The following VSIG1 variants were observed in gnomAD, a reference collection of about 807,000 sequenced individuals.
VSIG1 encodes V-set and immunoglobulin domain containing 1.
In VSIG1, 11 loss-of-function variants were observed where a neutral mutation model predicts 20.1. That is an observed-to-expected ratio of 0.55 (90% CI 0.34 to 0.91). The LOEUF (loss-of-function observed/expected upper bound fraction) is 0.91, where lower values mean the gene tolerates loss of function less well. VSIG1 is among the 40% of genes least tolerant of loss of function. The pLI is 0.02. For missense variants in VSIG1, 283 were observed against 298.8 expected (o/e 0.95, Z 0.39); for synonymous variants, 126 against 116.7 (o/e 1.08, Z -0.52).
chrX:108,031,934 C>A, the VSIG1 span, among the ~76,000 whole-genome samples: 1 of 112,200 alleles, frequency 8.9e-6, no homozygotes, highest in African/African-American at 3.2e-5. Context: ...TCCAGCCTTG[C>A]TTCTACCAAC....
intron 6 of VSIG1, 147 bp from the exon 7 acceptor site, chrX:108,076,901 C>T (rs781210349): frequency 1.9e-5 from 11 of 576,135 alleles, no homozygotes; most frequent in Admixed American, 3.9e-5. Flanking sequence ...GACCTATGGC[C>T]TGACAATGAG....
chrX:108,041,696 T>C (rs988803119), upstream of VSIG1, among the ~76,000 whole-genome samples: 9 of 107,345 alleles, frequency 8.4e-5, no homozygotes, highest in South Asian at 8.7e-4. Context: ...GGACTTTTTT[T>C]CCTCTGTATC....
chrX:108,073,393 C>T (rs368211760), intron 5 of VSIG1, 24 bp downstream of exon 5: 50 of 1,202,774 alleles, frequency 4.2e-5, no homozygotes, highest in African/African-American at 2.3e-4. Context: ...ACAACTTTAA[C>T]GGTTTCTCCT....
intron 2 of VSIG1, among the ~76,000 whole-genome samples, chrX:108,060,647 A>G (rs1459968900): frequency 9.0e-6 from 1 of 111,712 alleles, no homozygotes; most frequent in Non-Finnish European, 1.9e-5. Flanking sequence ...ATGAATGTCA[A>G]TTCTTCTTGC....
At chrX:108,060,033 G>A (rs1034982126) in intron 2 of VSIG1, among the ~76,000 whole-genome samples, 2 of 111,665 alleles carry the variant, frequency 1.8e-5, no homozygotes, top group African/African-American at 3.3e-5. Flanking sequence ...CTGCAGAGCC[G>A]AAGGATCCTG....
the VSIG1 span, among the ~76,000 whole-genome samples, chrX:108,039,528 A>G: frequency 3.6e-5 from 4 of 111,923 alleles, no homozygotes; most frequent in East Asian, 8.3e-4. Flanking sequence ...TTTCTACCAA[A>G]TTGGAAACGA....
chrX:108,055,576 A>AT (rs755563804), intron 1 of VSIG1, among the ~76,000 whole-genome samples: 29 of 111,907 alleles, frequency 2.6e-4, no homozygotes, highest in African/African-American at 8.7e-4. Flanking sequence ...ACACTAGCAA[A>AT]TTGAATCCAA....
In VSIG1 at chrX:108,058,154, T is replaced by A. The variant is rs1361669777; in HGVS notation, c.166T>A (p.Ser56Thr). 1 of 1,209,189 alleles carries A rather than the reference T, an allele frequency of 8.3e-7. No homozygotes were observed. Among genetic ancestry groups the A allele is most frequent in the Non-Finnish European group, 1.1e-6 (1 of 894,754 alleles). ...CACTGTGGCCTCCCGAGAACAGCTT[T>A]CCATCCAGTGGTCTTTCTTCCATAA... ...TTTVASREQL[S>T]IQWSFFHKKE... is the part of the protein sequence containing the mutation. Residue 56 changes from serine to threonine, a missense_variant, in exon 2 of 7, where the codon TCC (serine) becomes ACC (threonine). Ser to Thr is a moderately conservative substitution (Grantham distance 58, BLOSUM62 1). Coordinates refer to ENST00000217957, the MANE Select transcript of VSIG1 (RefSeq NM_182607.5).
At chrX:108,044,956 A>G (rs2030538275), upstream of VSIG1, 3 of 317,380 alleles carry the variant, frequency 9.5e-6, no homozygotes, top group Non-Finnish European at 1.6e-5. Flanking sequence ...AAGAAACACA[A>G]ATCTGTACTG....
the VSIG1 span, among the ~76,000 whole-genome samples, chrX:108,038,126 A>C: frequency 9.0e-5 from 10 of 111,145 alleles, no homozygotes; most frequent in Non-Finnish European, 1.7e-4. Flanking sequence ...ATACATATGC[A>C]GAACGTGCAG....
chrX:108,076,559 G>A (rs1348353965), intron 6 of VSIG1, among the ~76,000 whole-genome samples: 3 of 112,146 alleles, frequency 2.7e-5, no homozygotes, highest in Non-Finnish European at 5.6e-5. Flanking sequence ...AGACCCACAA[G>A]GACAGTGCCC....
chrX:108,037,606 G>C, the VSIG1 span, among the ~76,000 whole-genome samples: 1 of 112,351 alleles, frequency 8.9e-6, no homozygotes, highest in African/African-American at 3.2e-5. Context: ...AAAGGGTAAT[G>C]ATTTGCCACT....
chrX:108,039,342 G>A, the VSIG1 span, among the ~76,000 whole-genome samples: 1 of 110,110 alleles, frequency 9.1e-6, no homozygotes, highest in African/African-American at 3.4e-5. Context: ...GCCACCACAC[G>A]CCCAGCTAAT....
intron 1 of VSIG1, among the ~76,000 whole-genome samples, chrX:108,051,102 C>G (rs1404294594): frequency 9.0e-6 from 1 of 111,209 alleles, no homozygotes; most frequent in Non-Finnish European, 1.9e-5. Flanking sequence ...ACCCCACCAA[C>G]AACAGTGGAC....
At chrX:108,027,017 AG>A in the VSIG1 span, among the ~76,000 whole-genome samples, 1 of 111,875 alleles carries the variant, frequency 8.9e-6, no homozygotes, top group African/African-American at 3.2e-5. Context: ...TAATTTAAAA[AG>A]CCCAGCAGTA....
At chrX:108,066,349 A>G (rs774052902) in intron 2 of VSIG1, among the ~76,000 whole-genome samples, 3 of 111,039 alleles carry the variant, frequency 2.7e-5, no homozygotes, top group Admixed American at 9.6e-5. Context: ...CAACACCACT[A>G]TAAAGGGATG....
At chrX:108,065,956 G>A (rs754918002) in intron 2 of VSIG1, among the ~76,000 whole-genome samples, 1 of 111,362 alleles carries the variant, frequency 9.0e-6, no homozygotes, top group Non-Finnish European at 1.9e-5. Context: ...CTGCCATGGA[G>A]GCATGACTAG....
At chrX:108,050,479 C>T in intron 1 of VSIG1, among the ~76,000 whole-genome samples, 1 of 112,141 alleles carries the variant, frequency 8.9e-6, no homozygotes, top group Non-Finnish European at 1.9e-5. Flanking sequence ...TCCTGGAGAA[C>T]TTTTATAGTC....
chrX:108,045,099 G>A lies in VSIG1; in HGVS notation c.-32G>A. 8.7e-7 allele frequency: 1 copy of A among 1,148,250 alleles called. No individual in the cohort carries two copies. Among genetic ancestry groups the A allele is most frequent in the Non-Finnish European group, 1.2e-6 (1 of 859,010 alleles). The allele number at this position is 1,148,250 out of a possible 1,213,427, so 94.6% of individuals were successfully genotyped here. On this transcript the variant is annotated 5_prime_UTR_variant, in exon 1 of 7. Transcript: ENST00000217957. Reference sequence around the variant, plus strand: ...CTCAGCCTAGTCCAGGCAAGCTACTGGCACCTGCTGCTCTCAACTAACCTC... The same window carrying A: ...CTCAGCCTAGTCCAGGCAAGCTACTAGCACCTGCTGCTCTCAACTAACCTC...
Sources: allele counts gnomAD v4.1 joint callset (sites outside exome capture counted in the v4.1 genomes callset), GRCh38; gene constraint gnomAD v4.1.1; transcripts MANE v1.5; gene names NCBI Gene and HGNC (gene_info 2026-07-23, HGNC 2026-07-21).